HIPK2: variants seen among roughly 807,000 people sequenced by gnomAD.
The protein encoded by HIPK2 is homeodomain interacting protein kinase 2.
HIPK2 carries 27 observed loss-of-function variants against 113.7 expected under a neutral mutation model. The ratio of observed to expected loss-of-function variants is 0.24; its 90% CI spans 0.17 to 0.33. The LOEUF (loss-of-function observed/expected upper bound fraction) is 0.33. Ranked by LOEUF, HIPK2 falls within the 10% of genes least tolerant of loss-of-function variation. The pLI is 1.00. For missense variants in HIPK2, 1,257 were observed against 1,588.0 expected, an observed-to-expected ratio of 0.79 and a Z score of 3.54; for synonymous variants, 631 against 642.2, an observed-to-expected ratio of 0.98 and a Z score of 0.26.
intron 2 of HIPK2, among the ~76,000 whole-genome samples, chr7:139,633,416 G>A (rs1369077736): frequency 6.6e-6 from 1 of 152,066 alleles, no homozygotes; most frequent in African/African-American, 2.4e-5. Context: ...CTTTAAATTT[G>A]TTCTCATTGC....
chr7:139,764,863 T>C (rs866454032), intron 1 of HIPK2, among the ~76,000 whole-genome samples: 1 of 152,170 alleles, frequency 6.6e-6, no homozygotes, highest in African/African-American at 2.4e-5. Context: ...AGGCTTGGTG[T>C]GGTGGCTCAC....
chr7:139,758,029 T>C (rs1369246910), intron 1 of HIPK2, among the ~76,000 whole-genome samples: 1 of 152,232 alleles, frequency 6.6e-6, no homozygotes, highest in African/African-American at 2.4e-5. Flanking sequence ...TAGAAAACAT[T>C]GTCTTTGACG....
In HIPK2 at chr7:139,596,888, G is replaced by A. The variant is rs760156592; in HGVS notation, c.2546C>T (p.Pro849Leu). 2.1e-5 allele frequency: 34 copies of A among 1,613,760 alleles called. No homozygotes were observed. Among genetic ancestry groups the A allele is most frequent in the Admixed American group, 1.8e-4 (11 of 60,008 alleles). The change falls in exon 12 of 15, where the codon CCG (proline) becomes CTG (leucine). Residue 849 changes from proline to leucine, a missense_variant. Pro to Leu is a moderately conservative substitution (Grantham distance 98, BLOSUM62 -3). Transcript: ENST00000406875. Reference protein sequence around the residue: ...PPRCAMVHSSPACSTSVTCGW... With the variant: ...PPRCAMVHSSLACSTSVTCGW... ...ACAGGTGACCGAGGTGCTGCAGGCC[G>A]GGCTACTGTGCACCATGGCACAGCG...
At chr7:139,743,261 G>A (rs1796135679) in intron 1 of HIPK2, among the ~76,000 whole-genome samples, 1 of 152,232 alleles carries the variant, frequency 6.6e-6, no homozygotes, top group South Asian at 2.1e-4. Context: ...CAAAAGCAGA[G>A]GGGCAACAAA....
At chr7:139,608,139 G>A (rs1002885110) in intron 9 of HIPK2, among the ~76,000 whole-genome samples, 2 of 151,814 alleles carry the variant, frequency 1.3e-5, no homozygotes, top group Non-Finnish European at 2.9e-5. Context: ...AGCTACTCGG[G>A]AGGCTGAGGC....
chr7:139,762,096 G>T (rs1796474775), intron 1 of HIPK2, among the ~76,000 whole-genome samples: 1 of 152,166 alleles, frequency 6.6e-6, no homozygotes, highest in Non-Finnish European at 1.5e-5. Context: ...TCTACAGAAG[G>T]TCATCTTAGA....
chr7:139,621,885 T>C (rs1363636748), intron 6 of HIPK2, among the ~76,000 whole-genome samples: 3 of 139,680 alleles, frequency 2.1e-5, no homozygotes, highest in South Asian at 2.2e-4. Context: ...ATTAGGCCTC[T>C]ATATTCCAGT....
In HIPK2 at chr7:139,585,401, C is replaced by T. The variant is rs901303039; in HGVS notation, c.2718-1337G>A. On this transcript the variant is annotated intron_variant, in intron 12 of 14. Transcript: ENST00000406875. Reference sequence around the variant, plus strand: ...TCTGGGGGGTGCAGTCCCCAGGAGGCGCTGGCCCTGCTCCCCAACGCCCAG... The same window carrying T: ...TCTGGGGGGTGCAGTCCCCAGGAGGTGCTGGCCCTGCTCCCCAACGCCCAG... Among the ~76,000 whole-genome samples the T allele has an allele frequency of 5.3e-5, 8 of 152,348 alleles. No homozygotes were observed. In the East Asian group the frequency reaches 1.5e-3, roughly 29 times the overall value.
At chr7:139,610,195 C>T (rs1799766014) in intron 9 of HIPK2, among the ~76,000 whole-genome samples, 1 of 152,208 alleles carries the variant, frequency 6.6e-6, no homozygotes, top group African/African-American at 2.4e-5. Flanking sequence ...CGAAGAATCC[C>T]TATTTTGGCT....
chr7:139,614,832 A>C (rs964670330), intron 7 of HIPK2, among the ~76,000 whole-genome samples: 1 of 152,212 alleles, frequency 6.6e-6, no homozygotes, highest in African/African-American at 2.4e-5. Flanking sequence ...TGTTTAATAA[A>C]ATGTTCTGCC....
At chr7:139,758,680 T>C (rs932007902) in intron 1 of HIPK2, among the ~76,000 whole-genome samples, 1 of 152,176 alleles carries the variant, frequency 6.6e-6, no homozygotes, top group Non-Finnish European at 1.5e-5. Flanking sequence ...GATTGTGCGC[T>C]CATTATGAGA....
Position 139,604,262 on chromosome 7 carries a change from A to G in HIPK2, c.2113-39T>C, listed in dbSNP as rs1585264734. 1.9e-6 allele frequency: 3 copies of G among 1,570,090 alleles called. No individual in the cohort carries two copies. In the East Asian group the frequency reaches 6.8e-5, roughly 35 times the overall value. Reference sequence around the variant, plus strand: ...GACATGTGCAATGACCATGTTTGCTAATCACATAATTGATTTGCATGAACC... The same window carrying G: ...GACATGTGCAATGACCATGTTTGCTGATCACATAATTGATTTGCATGAACC... On this transcript the variant is annotated intron_variant, in intron 9 of 14. Transcript: ENST00000406875.
At chr7:139,647,292 C>T (rs1469836115) in intron 2 of HIPK2, among the ~76,000 whole-genome samples, 4 of 152,106 alleles carry the variant, frequency 2.6e-5, no homozygotes, top group African/African-American at 9.7e-5. Context: ...TGTCATTGTT[C>T]ACACTCATGA....
chr7:139,683,386 C>T lies in HIPK2; in HGVS notation c.1103+32546G>A, dbSNP rs1047917683. Among the ~76,000 whole-genome samples the T allele has an allele frequency of 1.3e-5, 2 of 151,872 alleles. No individual in the cohort carries two copies. Among genetic ancestry groups the T allele is most frequent in the Admixed American group, 6.6e-5 (1 of 15,256 alleles). On this transcript the variant is annotated intron_variant, in intron 2 of 14. Transcript: ENST00000406875. The surrounding 1 kb of genome is among the most constrained non-coding windows in gnomAD (Gnocchi z 4.2). ...TGGTGCAGGGTCCCTCATGAGGCTG[C>T]GATCAAGATGTTTCCAAGCTCCCCA... is the stretch of plus-strand genomic sequence containing the variant.
At chr7:139,756,914 C>G (rs1000708391) in intron 1 of HIPK2, among the ~76,000 whole-genome samples, 1 of 152,202 alleles carries the variant, frequency 6.6e-6, no homozygotes, top group African/African-American at 2.4e-5. Flanking sequence ...GTCCACACAA[C>G]TAGCTTACAA....
chr7:139,724,484 C>T (rs1283443840), intron 1 of HIPK2, among the ~76,000 whole-genome samples: 2 of 152,102 alleles, frequency 1.3e-5, no homozygotes, highest in African/African-American at 4.8e-5. Context: ...ATAGTATATT[C>T]CACCAGAGCA....
intron 2 of HIPK2, among the ~76,000 whole-genome samples, chr7:139,645,134 G>A (rs1037930415): frequency 2.0e-5 from 3 of 152,228 alleles, no homozygotes; most frequent in African/African-American, 7.2e-5. Context: ...TGCCTCCACT[G>A]GAGAAGCCCC....
In HIPK2 at chr7:139,573,065, C is replaced by G. The variant is rs1442911491; in HGVS notation, c.3459G>C (p.Leu1153=). Residue 1153 remains leucine, a synonymous_variant, in exon 15 of 15, where the codon CTG becomes CTC. Transcript: ENST00000406875. Reference sequence around the variant, plus strand: ...GACTCGGGTGGATGGTGGGCGAGGGCAGGACCCGGGGGCCCATGCTCACGG... The same window carrying G: ...GACTCGGGTGGATGGTGGGCGAGGGGAGGACCCGGGGGCCCATGCTCACGG... The part of the protein sequence containing the change: ...QVPVSMGPRV[L]PSPTIHPSQY... 1 of 1,611,996 alleles carries G rather than the reference C, an allele frequency of 6.2e-7. No homozygotes were observed. The highest frequency in any genetic ancestry group is 1.7e-5 in the Admixed American group (1 of 59,622).
At chr7:139,626,523 G>C in intron 6 of HIPK2, 78 bp downstream of exon 6, 1 of 1,495,484 alleles carries the variant, frequency 6.7e-7, no homozygotes, top group South Asian at 1.3e-5. Context: ...CCTTATGGCC[G>C]CAAAACCTAA....
Sources: allele counts gnomAD v4.1 joint callset (sites outside exome capture counted in the v4.1 genomes callset), GRCh38; gene constraint gnomAD v4.1.1; non-coding constraint Gnocchi (gnomAD v3.1); transcripts MANE v1.5; gene names NCBI Gene and HGNC (gene_info 2026-07-23, HGNC 2026-07-21).